EPAS1: variants seen among roughly 807,000 people sequenced by gnomAD.
EPAS1 encodes endothelial PAS domain-containing protein 1.
EPAS1 carries 23 observed loss-of-function variants against 87.9 expected under a neutral mutation model. The ratio of observed to expected loss-of-function variants is 0.26; its 90% CI spans 0.19 to 0.37. The LOEUF is 0.37. Among genes scored for constraint, EPAS1 ranks in the 10% least tolerant of loss-of-function variants. The probability of loss-of-function intolerance (pLI) is 1.00; values close to 1 mark genes in which losing one functional copy is unlikely to be tolerated. For missense variants in EPAS1, 1,138 were observed against 1,120.7 expected, an observed-to-expected ratio of 1.02 and a Z score of -0.22; for synonymous variants, 508 against 444.3, an observed-to-expected ratio of 1.14 and a Z score of -1.80.
chr2:46,305,398 T>A (rs1243195144), intron 1 of EPAS1, among the ~76,000 whole-genome samples: 4 of 152,186 alleles, frequency 2.6e-5, no homozygotes, highest in Non-Finnish European at 4.4e-5. Context: ...GCAAAACTCT[T>A]ACTAGATGAC....
rs897737714 is a variant in EPAS1, at chr2:46,371,287, G to C, written c.886+1354G>C. On this transcript the variant is annotated intron_variant, in intron 7 of 15. Coordinates refer to ENST00000263734, the MANE Select transcript of EPAS1 (RefSeq NM_001430.5). This position sits in a 1 kb window ranked among gnomAD's most constrained non-coding sequence, Gnocchi z 4.3. ...ACAGCCAAGTTCAGTGCAGCCAGCA[G>C]AGTCACAACCCCGCAAGCTGTATGT... Among the ~76,000 whole-genome samples the C allele has an allele frequency of 6.6e-6, 1 of 152,194 alleles. No homozygotes were observed. The highest frequency in any genetic ancestry group is 1.5e-5 in the Non-Finnish European group (1 of 68,040).
chr2:46,362,953 A>AGTG (rs1159555840), intron 6 of EPAS1, among the ~76,000 whole-genome samples: 88 of 78,076 alleles, frequency 1.1e-3, no homozygotes, highest in Middle Eastern at 7.5e-3. Context: ...TGTAATTGTT[A>AGTG]GTGGTGGTGG....
Position 46,318,097 on chromosome 2 carries a change from C to T in EPAS1, c.26+20160C>T, listed in dbSNP as rs554242953. On this transcript the variant is annotated intron_variant, in intron 1 of 15. Transcript: ENST00000263734. ...TCCTTTCATTCGAACACATAGAGCC[C>T]ATTGTAGAGTTATTAAAATTGGTCT... Among the ~76,000 whole-genome samples, 103 of 152,054 alleles carry T rather than the reference C, an allele frequency of 6.8e-4. 2 individuals are homozygous for T. The Middle Eastern group carries it at 0.01, about 15-fold the overall frequency.
chr2:46,366,565 A>G (rs2103647173), intron 6 of EPAS1, among the ~76,000 whole-genome samples: 1 of 152,300 alleles, frequency 6.6e-6, no homozygotes, highest in Non-Finnish European at 1.5e-5. Context: ...ATTAAAAAGT[A>G]TCCTCTGTTC....
At chr2:46,363,058 T>C (rs1684434065) in intron 6 of EPAS1, among the ~76,000 whole-genome samples, 1 of 151,864 alleles carries the variant, frequency 6.6e-6, no homozygotes, top group South Asian at 2.1e-4. Flanking sequence ...GCACTTTTAG[T>C]GACAGGCACT....
intron 6 of EPAS1, among the ~76,000 whole-genome samples, chr2:46,369,497 C>T (rs980027641): frequency 1.3e-5 from 2 of 152,188 alleles, no homozygotes; most frequent in Admixed American, 6.5e-5. Context: ...TCTGCAAAAA[C>T]TTGGGGTGAG....
chr2:46,341,702 T>G (rs1325167597), intron 1 of EPAS1, among the ~76,000 whole-genome samples: 1 of 151,036 alleles, frequency 6.6e-6, no homozygotes, highest in African/African-American at 2.4e-5. Flanking sequence ...GACCTGGGCG[T>G]CAGTCTTCCA....
chr2:46,359,800 G>A (rs1684351430), intron 4 of EPAS1, among the ~76,000 whole-genome samples: 2 of 152,210 alleles, frequency 1.3e-5, no homozygotes, highest in South Asian at 4.1e-4. Flanking sequence ...ACCAGAGATG[G>A]TGGTGTAGGC....
chr2:46,373,289 C>T (rs1310243790), intron 7 of EPAS1, among the ~76,000 whole-genome samples: 3 of 152,238 alleles, frequency 2.0e-5, no homozygotes, highest in Admixed American at 2.0e-4. Flanking sequence ...GCTGCACCCA[C>T]GAGAAATGAA....
intron 1 of EPAS1, among the ~76,000 whole-genome samples, chr2:46,330,179 G>A (rs1683646820): frequency 6.6e-6 from 1 of 152,138 alleles, no homozygotes. Flanking sequence ...AATCAAACAA[G>A]CTCTGTGCCC....
At chr2:46,336,594 T>C (rs1173857467) in intron 1 of EPAS1, among the ~76,000 whole-genome samples, 1 of 152,170 alleles carries the variant, frequency 6.6e-6, no homozygotes, top group Admixed American at 6.5e-5. Flanking sequence ...AGAACAGGAT[T>C]CTTCCTGGCC....
intron 1 of EPAS1, among the ~76,000 whole-genome samples, chr2:46,329,236 G>A (rs1312645853): frequency 6.6e-6 from 1 of 152,200 alleles, no homozygotes; most frequent in African/African-American, 2.4e-5. Flanking sequence ...CTGGTTCAGG[G>A]ATTGTCATCT....
intron 4 of EPAS1, among the ~76,000 whole-genome samples, chr2:46,357,961 C>G (rs1038748755): frequency 6.6e-6 from 1 of 152,116 alleles, no homozygotes; most frequent in African/African-American, 2.4e-5. Flanking sequence ...CTGTCAAGGT[C>G]CCTTCCAAAC....
chr2:46,355,172 T>C (rs372308893), intron 2 of EPAS1, among the ~76,000 whole-genome samples: 53 of 152,306 alleles, frequency 3.5e-4, no homozygotes, highest in African/African-American at 1.2e-3. Context: ...TCTGAGCAAT[T>C]TGAGGGTAGT....
At chr2:46,316,999 A>G (rs528540552) in intron 1 of EPAS1, among the ~76,000 whole-genome samples, 157 of 152,272 alleles carry the variant, frequency 1.0e-3, no homozygotes, top group African/African-American at 3.7e-3. Flanking sequence ...TTCTTTTCTC[A>G]TCTGTAAGAA....
chr2:46,370,857 G>A (rs971908473), intron 7 of EPAS1, among the ~76,000 whole-genome samples: 1 of 152,114 alleles, frequency 6.6e-6, no homozygotes, highest in Admixed American at 6.5e-5. Context: ...ACTGTGCAAG[G>A]GCTCTGGGCC....
At chr2:46,381,774 CAGGG>C in intron 13 of EPAS1, 52 bp downstream of exon 13, 1 of 1,610,034 alleles carries the variant, frequency 6.2e-7, no homozygotes, top group Non-Finnish European at 8.5e-7. Flanking sequence ...TTAGGGAACC[CAGGG>C]CTGCTGAGAG....
intron 2 of EPAS1, among the ~76,000 whole-genome samples, chr2:46,355,876 C>G (rs889698104): frequency 3.9e-5 from 6 of 152,228 alleles, no homozygotes; most frequent in African/African-American, 1.4e-4. Context: ...CCACCCTGAA[C>G]CACTCACACA....
chr2:46,336,177 G>C (rs1683788390), intron 1 of EPAS1, among the ~76,000 whole-genome samples: 1 of 152,196 alleles, frequency 6.6e-6, no homozygotes, highest in African/African-American at 2.4e-5. Flanking sequence ...GAAAGGAAAA[G>C]AGCAAAGGGC....
Sources: allele counts gnomAD v4.1 joint callset (sites outside exome capture counted in the v4.1 genomes callset), GRCh38; gene constraint gnomAD v4.1.1; non-coding constraint Gnocchi (gnomAD v3.1); transcripts MANE v1.5; gene names NCBI Gene and HGNC (gene_info 2026-07-23, HGNC 2026-07-21).